NLRP5: variants seen among roughly 807,000 people sequenced by gnomAD.
NLRP5 encodes NACHT, LRR and PYD domains-containing protein 5.
In NLRP5, 93 loss-of-function variants were observed where a neutral mutation model predicts 113.1. That is an observed-to-expected ratio of 0.82 (90% confidence interval 0.70 to 0.98). The LOEUF is 0.98. Among genes scored for constraint, NLRP5 ranks in the 50% least tolerant of loss-of-function variants. NLRP5 has a pLI of 0.00. For synonymous variants in NLRP5, 751 were observed against 600.7 expected (o/e 1.25, Z -3.66); for missense variants, 1,808 against 1,514.3 (o/e 1.19, Z -3.22).
At chr19:56,015,282 G>A (rs1050985100) in intron 3 of NLRP5, among the ~76,000 whole-genome samples, 3 of 152,104 alleles carry the variant, frequency 2.0e-5, no homozygotes, top group African/African-American at 7.2e-5. Flanking sequence ...TGAAACCTCT[G>A]CCTCCTGGGT....
chr19:56,047,411 C>T (rs1050115227), intron 11 of NLRP5, among the ~76,000 whole-genome samples: 1 of 151,948 alleles, frequency 6.6e-6, no homozygotes, highest in Non-Finnish European at 1.5e-5. Flanking sequence ...TTGCTGTATC[C>T]CAGAGGTTTT....
chr19:55,992,390 G>A, the NLRP5 span, among the ~76,000 whole-genome samples: 1 of 152,136 alleles, frequency 6.6e-6, no homozygotes, highest in African/African-American at 2.4e-5. Flanking sequence ...TATACCCAGT[G>A]ATGGGATGGC....
chr19:56,027,618 G>A lies in NLRP5; in HGVS notation c.1385G>A (p.Arg462His), dbSNP rs200240284. The A allele has an allele frequency of 4.2e-5, 68 of 1,613,596 alleles. No homozygotes were observed. The highest frequency in any genetic ancestry group is 1.5e-4 in the Admixed American group (9 of 60,008). Reference sequence around the variant, plus strand: ...GGGTTGCGTGCGATCATGAACAACCGTGAGCTGCTCGACCAGTGCCAGGTG... The same window carrying A: ...GGGTTGCGTGCGATCATGAACAACCATGAGCTGCTCGACCAGTGCCAGGTG... The change falls in exon 7 of 15, where the codon CGT (arginine) becomes CAT (histidine). Residue 462 changes from arginine to histidine, a missense_variant. Arg to His is a conservative substitution (Grantham distance 29, BLOSUM62 0). Transcript: ENST00000390649.
intron 13 of NLRP5, among the ~76,000 whole-genome samples, chr19:56,056,861 C>T (rs1445536468): frequency 1.3e-5 from 2 of 152,194 alleles, no homozygotes; most frequent in Non-Finnish European, 1.5e-5. Flanking sequence ...GAATTCCAGC[C>T]GGGTGCGGTG....
intron 13 of NLRP5, 46 bp from the exon 14 acceptor site, chr19:56,058,194 C>T (rs1984226782): frequency 6.9e-7 from 1 of 1,449,792 alleles, no homozygotes; most frequent in African/African-American, 1.4e-5. Context: ...ATGAAGGGTC[C>T]ATCATCGATC....
chr19:56,053,614 C>G (rs761556101), intron 12 of NLRP5, 24 bp from the exon 13 acceptor site: 13 of 1,602,100 alleles, frequency 8.1e-6, no homozygotes, highest in Non-Finnish European at 9.4e-6. Context: ...GAGGCAGACT[C>G]TCTCTATTCC....
chr19:55,998,155 T>C (rs1981396435), upstream of NLRP5, among the ~76,000 whole-genome samples: 1 of 152,102 alleles, frequency 6.6e-6, no homozygotes, highest in South Asian at 2.1e-4. Flanking sequence ...TTGGATTAGA[T>C]TTATCTTATC....
intron 4 of NLRP5, among the ~76,000 whole-genome samples, chr19:56,017,256 T>C (rs1982442687): frequency 6.6e-6 from 1 of 152,174 alleles, no homozygotes; most frequent in Admixed American, 6.6e-5. Context: ...GTAGGTTTGT[T>C]TTCTCTATGG....
At chr19:56,042,429 C>T (rs978841817) in intron 11 of NLRP5, among the ~76,000 whole-genome samples, 1 of 152,056 alleles carries the variant, frequency 6.6e-6, no homozygotes, top group African/African-American at 2.4e-5. Flanking sequence ...CTGCAACCTC[C>T]ACCTCCCCTC....
In NLRP5 at chr19:56,027,793, CAATCTGGAGGA is replaced by C; in HGVS notation, c.1563_1573del (p.Asn521LysfsTer18). On this transcript the variant is annotated frameshift_variant, in exon 7 of 15. Coordinates refer to ENST00000390649, the MANE Select transcript of NLRP5 (RefSeq NM_153447.4). LOFTEE classifies it high-confidence loss of function. ...CTCGAGGCGTGGTCCGGCGCTGTCT[CAATCTGGAGGA>C]AAGAGTTGTCCTGAAGCGCTTCTGC... 1 of 1,613,992 alleles carries C rather than the reference CAATCTGGAGGA, an allele frequency of 6.2e-7. No homozygotes were observed. The highest frequency in any genetic ancestry group is 8.5e-7 in the Non-Finnish European group (1 of 1,179,888).
chr19:56,057,955 A>C (rs1984216206), intron 13 of NLRP5, among the ~76,000 whole-genome samples: 1 of 150,428 alleles, frequency 6.6e-6, no homozygotes, highest in Non-Finnish European at 1.5e-5. Context: ...TGAATCCCAG[A>C]GGTAGAAGGT....
chr19:56,050,994 C>T (rs1187013581), intron 12 of NLRP5, among the ~76,000 whole-genome samples: 2 of 152,166 alleles, frequency 1.3e-5, no homozygotes, highest in Non-Finnish European at 2.9e-5. Context: ...CATTATTAAA[C>T]AGACTGTAGA....
intron 9 of NLRP5, among the ~76,000 whole-genome samples, chr19:56,036,283 G>A (rs972988134): frequency 2.0e-5 from 3 of 151,684 alleles, no homozygotes; most frequent in Non-Finnish European, 4.4e-5. Flanking sequence ...TAGCCAGGAT[G>A]GTCTCGATCT....
At chr19:56,050,292 A>G (rs554884837) in intron 11 of NLRP5, 126 bp from the exon 12 acceptor site, 21 of 919,298 alleles carry the variant, frequency 2.3e-5, no homozygotes, top group African/African-American at 3.4e-5. Flanking sequence ...AAAAAAAGAA[A>G]AAAAAACAAA....
chr19:56,058,554 C>T (rs1256697052), intron 14 of NLRP5, 144 bp downstream of exon 14: 2 of 670,812 alleles, frequency 3.0e-6, no homozygotes, highest in African/African-American at 3.6e-5. Context: ...CCACTACGTT[C>T]TGAGTACCAT....
At position 56,051,786 on chromosome 19, in the gene NLRP5, G is replaced by T. The variant is rs1241741057; in HGVS notation, c.3128+1198G>T. Among the ~76,000 whole-genome samples the T allele has an allele frequency of 2.0e-5, 3 of 152,134 alleles. No individual in the cohort carries two copies. The South Asian group carries it at 6.2e-4, about 32-fold the overall frequency. ...TAGTGTTTTCATCATGAGCATAAAT[G>T]ATTTCATTCCAAACGCTTGTATGCT... On this transcript the variant is annotated intron_variant, in intron 12 of 14. Transcript: ENST00000390649.
At chr19:56,020,874 A>AT (rs36047346) in intron 6 of NLRP5, among the ~76,000 whole-genome samples, 8,434 of 137,522 alleles carry the variant, frequency 0.061, 305 homozygotes, top group Non-Finnish European at 0.073. Context: ...CCTTCGTGGC[A>AT]TTTTTTTTTT....
intron 1 of NLRP5, among the ~76,000 whole-genome samples, chr19:56,002,424 T>G (rs1055868415): frequency 1.3e-5 from 2 of 152,086 alleles, no homozygotes; most frequent in African/African-American, 4.8e-5. Flanking sequence ...AACTGGTTAT[T>G]AGTAACTGGT....
intron 2 of NLRP5, among the ~76,000 whole-genome samples, chr19:56,005,110 AT>A (rs201062054): frequency 0.35 from 23,986 of 68,724 alleles, 2,824 homozygotes; most frequent in Non-Finnish European, 0.4. Flanking sequence ...AAAAAAAAAT[AT>A]ATATATATAT....
Sources: allele counts gnomAD v4.1 joint callset (sites outside exome capture counted in the v4.1 genomes callset), GRCh38; gene constraint gnomAD v4.1.1; transcripts MANE v1.5; gene names NCBI Gene and HGNC (gene_info 2026-07-23, HGNC 2026-07-21).